The following CYP2C19 variants were observed in gnomAD, a reference collection of about 807,000 sequenced individuals.
The protein encoded by CYP2C19 is cytochrome P450 2C19.
Under a neutral mutation model 40.9 loss-of-function variants are expected in CYP2C19, and 59 were observed. The observed-to-expected ratio is 1.44, with a 90% CI of 1.17 to 1.79. The LOEUF (loss-of-function observed/expected upper bound fraction) is 1.79, where lower values mean the gene tolerates loss of function less well. Among genes scored for constraint, CYP2C19 ranks in the 40% most tolerant of loss-of-function variants. The pLI, the probability that CYP2C19 is intolerant of heterozygous loss-of-function variation, is 0.00. For synonymous variants in CYP2C19, 253 were observed against 208.7 expected, an observed-to-expected ratio of 1.21 and a Z score of -1.83; for missense variants, 754 against 596.9, an observed-to-expected ratio of 1.26 and a Z score of -2.74.
intron 6 of CYP2C19, among the ~76,000 whole-genome samples, chr10:94,829,407 A>G (rs915450550): frequency 3.3e-5 from 5 of 152,048 alleles, no homozygotes; most frequent in Admixed American, 1.3e-4. Flanking sequence ...GCTACATTTC[A>G]TCTTCCATTG....
rs928830462 is a variant in CYP2C19 at position 94,855,184 on chromosome 10, G to T, written c.*2270G>T. Reference sequence around the variant, plus strand: ...TCTTATTCTCTCTCCCTTATGTAAAGACCCTTGTGATTACATGAAACCCAC... The same window carrying T: ...TCTTATTCTCTCTCCCTTATGTAAATACCCTTGTGATTACATGAAACCCAC... On this transcript the variant is annotated 3_prime_UTR_variant, in exon 9 of 9. Transcript: ENST00000371321. Among the ~76,000 whole-genome samples the T allele has an allele frequency of 6.6e-6, 1 of 152,060 alleles. No individual in the cohort carries two copies. The highest frequency in any genetic ancestry group is 2.4e-5 in the African/African-American group (1 of 41,404).
intron 5 of CYP2C19, among the ~76,000 whole-genome samples, chr10:94,818,889 T>A (rs879383965): frequency 8.3e-4 from 127 of 152,122 alleles, no homozygotes; most frequent in Non-Finnish European, 1.4e-3. Context: ...TATTTCCTTC[T>A]CCTGCCTGAT....
chr10:94,782,263 T>G (rs200106359), intron 5 of CYP2C19, among the ~76,000 whole-genome samples: 1 of 152,154 alleles, frequency 6.6e-6, no homozygotes, highest in Non-Finnish European at 1.5e-5. Context: ...AAAAGCTCTG[T>G]TCTGCAGCTT....
intron 5 of CYP2C19, among the ~76,000 whole-genome samples, chr10:94,801,191 C>T (rs75995113): frequency 0.022 from 3,313 of 152,276 alleles, 119 homozygotes; most frequent in African/African-American, 0.074. Flanking sequence ...TGTTAGGATG[C>T]TGATTTTAGA....
At chr10:94,828,590 A>T (rs1849271044) in intron 6 of CYP2C19, among the ~76,000 whole-genome samples, 1 of 149,242 alleles carries the variant, frequency 6.7e-6, no homozygotes, top group Non-Finnish European at 1.5e-5. Context: ...TGAATACAGC[A>T]CACTGATGGG....
intron 6 of CYP2C19, among the ~76,000 whole-genome samples, chr10:94,821,804 T>A (rs1215346597): frequency 6.6e-6 from 1 of 152,078 alleles, no homozygotes; most frequent in Admixed American, 6.6e-5. Context: ...AACTTTTTTT[T>A]ATAGATTAAA....
At chr10:94,845,669 G>A (rs1273115084) in intron 7 of CYP2C19, among the ~76,000 whole-genome samples, 2 of 152,016 alleles carry the variant, frequency 1.3e-5, no homozygotes, top group East Asian at 1.9e-4. Flanking sequence ...AATAATGGTC[G>A]TGCTTCAATG....
At chr10:94,816,579 CT>C (rs199878684) in intron 5 of CYP2C19, among the ~76,000 whole-genome samples, 4,580 of 145,088 alleles carry the variant, frequency 0.032, 92 homozygotes, top group East Asian at 0.065. Flanking sequence ...TAGTCTCTTT[CT>C]TTTTTTTTTT....
chr10:94,845,817 GA>G (rs1422306318), intron 7 of CYP2C19, among the ~76,000 whole-genome samples: 2 of 151,948 alleles, frequency 1.3e-5, no homozygotes, highest in Non-Finnish European at 2.9e-5. Context: ...CTATTTATAT[GA>G]AAACTTAGTG....
intron 5 of CYP2C19, among the ~76,000 whole-genome samples, chr10:94,811,390 A>G (rs1047357781): frequency 7.9e-5 from 12 of 152,122 alleles, no homozygotes; most frequent in Non-Finnish European, 1.2e-4. Flanking sequence ...TTAGATATCT[A>G]TTATGCCCGC....
chr10:94,775,794 T>C (rs1848400183), intron 3 of CYP2C19: 1 of 558,216 alleles, frequency 1.8e-6, no homozygotes, highest in East Asian at 3.0e-5. Context: ...TGCTTCTTTG[T>C]TTTCAAATAA....
At chr10:94,822,466 G>T (rs1444300075) in intron 6 of CYP2C19, among the ~76,000 whole-genome samples, 1 of 152,096 alleles carries the variant, frequency 6.6e-6, no homozygotes, top group Non-Finnish European at 1.5e-5. Context: ...TCCTTATACA[G>T]TCTACTGTTG....
At chr10:94,789,120 G>GT (rs142851331) in intron 5 of CYP2C19, among the ~76,000 whole-genome samples, 7,257 of 151,930 alleles carry the variant, frequency 0.048, 244 homozygotes, top group South Asian at 0.11. Flanking sequence ...TTTTTCATAT[G>GT]TTTTTTGGCC....
At chr10:94,797,571 T>A (rs1202967599) in intron 5 of CYP2C19, among the ~76,000 whole-genome samples, 1 of 152,120 alleles carries the variant, frequency 6.6e-6, no homozygotes, top group Non-Finnish European at 1.5e-5. Context: ...GTGTACCATC[T>A]CCTCTTGGTA....
intron 5 of CYP2C19, among the ~76,000 whole-genome samples, chr10:94,794,304 C>T (rs376379645): frequency 1.3e-5 from 2 of 152,084 alleles, no homozygotes; most frequent in Admixed American, 1.3e-4. Flanking sequence ...CCCCTTGTGC[C>T]TCCCAGGTGA....
chr10:94,801,690 T>C (rs1848767425), intron 5 of CYP2C19, among the ~76,000 whole-genome samples: 1 of 152,194 alleles, frequency 6.6e-6, no homozygotes. Context: ...TGACAGTGGG[T>C]GATAAAATCT....
At chr10:94,764,484 G>C (rs1208376193) in intron 1 of CYP2C19, among the ~76,000 whole-genome samples, 1 of 152,118 alleles carries the variant, frequency 6.6e-6, no homozygotes, top group Admixed American at 6.5e-5. Flanking sequence ...AGTTCTCCAA[G>C]TCCCTACCTG....
At chr10:94,816,833 G>T (rs201025552) in intron 5 of CYP2C19, among the ~76,000 whole-genome samples, 1 of 148,418 alleles carries the variant, frequency 6.7e-6, no homozygotes, top group Non-Finnish European at 1.5e-5. Flanking sequence ...ACGGTGTTTG[G>T]TTTTTTGTTC....
At chr10:94,843,301 T>TA (rs1294022813) in intron 7 of CYP2C19, among the ~76,000 whole-genome samples, 4 of 152,240 alleles carry the variant, frequency 2.6e-5, no homozygotes, top group Non-Finnish European at 5.9e-5. Context: ...AAGGTGTTAA[T>TA]TTTTCAATTT....
Sources: gnomAD v4.1 joint callset for allele counts (sites outside exome capture counted in the v4.1 genomes callset) on GRCh38, gnomAD v4.1.1 for gene constraint, MANE v1.5 for transcripts, NCBI Gene and HGNC (gene_info 2026-07-23, HGNC 2026-07-21) for gene names.